CTBP2: variants seen among roughly 807,000 people sequenced by gnomAD.
CTBP2 encodes C-terminal-binding protein 2.
A neutral mutation model predicts 80.3 loss-of-function variants in CTBP2; 30 were observed. The ratio of observed to expected loss-of-function variants is 0.37; its 90% confidence interval spans 0.28 to 0.51. CTBP2 has a LOEUF of 0.51. Ranked by LOEUF, CTBP2 falls within the 20% of genes least tolerant of loss-of-function variation. The probability of loss-of-function intolerance (pLI) is 0.93; values close to 1 mark genes in which losing one functional copy is unlikely to be tolerated. For synonymous variants in CTBP2, 594 were observed against 587.4 expected (o/e 1.01, Z -0.16); for missense variants, 1,212 against 1,375.3 (o/e 0.88, Z 1.88).
rs33963277 is a variant in CTBP2, at chr10:125,139,374, CAAAAA to C, written c.-206+20940_-206+20944del. 1.9e-3 allele frequency among the ~76,000 whole-genome samples: 186 copies of C among 96,204 alleles called. 1 individual carries two copies. Among genetic ancestry groups the C allele is most frequent in the Admixed American group, 0.016 (139 of 8,962 alleles). 63.1% of individuals were successfully genotyped at this position (96,204 alleles called of 152,430 possible). On this transcript the variant is annotated intron_variant, in intron 1 of 10. Coordinates refer to the CTBP2 transcript ENST00000337195. ...CCTGGGTGACAGAGCTAGACTGTCT[CAAAAA>C]AAAAAAAAAAAAAAAAAGATGGTAG...
At chr10:125,128,845 G>A (rs937307526) in intron 1 of CTBP2, among the ~76,000 whole-genome samples, 12 of 152,342 alleles carry the variant, frequency 7.9e-5, no homozygotes, top group African/African-American at 2.9e-4. Context: ...AGACATGCAT[G>A]AGAATGGTTC....
intron 3 of CTBP2, among the ~76,000 whole-genome samples, chr10:125,038,133 G>A (rs1199827555): frequency 1.3e-5 from 2 of 152,160 alleles, no homozygotes; most frequent in Admixed American, 6.5e-5. Flanking sequence ...TCCCCACCCC[G>A]TGTGGCATGA....
At chr10:125,083,617 C>T (rs1847517231) in intron 2 of CTBP2, among the ~76,000 whole-genome samples, 1 of 151,984 alleles carries the variant, frequency 6.6e-6, no homozygotes, top group African/African-American at 2.4e-5. Context: ...AACAAGCACC[C>T]AGGATACACT....
chr10:125,019,352 C>T (rs1052122705), intron 1 of CTBP2, among the ~76,000 whole-genome samples: 11 of 152,066 alleles, frequency 7.2e-5, no homozygotes, highest in Admixed American at 1.3e-4. Context: ...ACCTCTCCCA[C>T]GTATGAGCAA....
intron 2 of CTBP2, among the ~76,000 whole-genome samples, chr10:125,044,792 T>C (rs1960812025): frequency 6.6e-6 from 1 of 152,046 alleles, no homozygotes; most frequent in Non-Finnish European, 1.5e-5. Context: ...CAAAGCCAGA[T>C]ATAACAAAAT....
rs556875040 is a variant in CTBP2, at chr10:125,120,534, GCAC to G, written c.-205-9444_-205-9442del. Reference sequence around the variant, plus strand: ...CCTGAGTAGCTGGGATTATAGGCATGCACCACCACGCCCAGCTAATTTTTCTAT... The same window carrying G: ...CCTGAGTAGCTGGGATTATAGGCATGCACCACGCCCAGCTAATTTTTCTAT... On this transcript the variant is annotated intron_variant, in intron 1 of 10. Coordinates refer to the CTBP2 transcript ENST00000337195. 3.3e-3 allele frequency among the ~76,000 whole-genome samples: 499 copies of G among 152,262 alleles called. 1 individual carries two copies. The highest frequency in any genetic ancestry group is 0.01 in the African/African-American group (430 of 41,536).
intron 2 of CTBP2, among the ~76,000 whole-genome samples, chr10:125,056,687 CAG>C (rs1423038330): frequency 1.3e-5 from 2 of 152,368 alleles, no homozygotes; most frequent in Middle Eastern, 3.4e-3. Context: ...AGAACGGCCA[CAG>C]AGTCAGGTCA....
chr10:125,029,743 G>A (rs552387813), upstream of CTBP2, among the ~76,000 whole-genome samples: 11 of 143,594 alleles, frequency 7.7e-5, no homozygotes, highest in Admixed American at 7.8e-4. Context: ...TTTTGTAGCA[G>A]GGTGAGGTAG....
At chr10:125,126,924 T>TTCTCTCTC (rs67378138) in intron 1 of CTBP2, among the ~76,000 whole-genome samples, 73 of 138,652 alleles carry the variant, frequency 5.3e-4, no homozygotes, top group Middle Eastern at 3.7e-3. Flanking sequence ...CACACACACA[T>TTCTCTCTC]TCTCTCTCTC....
chr10:125,053,366 C>G (rs1200563474), intron 2 of CTBP2, among the ~76,000 whole-genome samples: 1 of 152,236 alleles, frequency 6.6e-6, no homozygotes, highest in Non-Finnish European at 1.5e-5. Flanking sequence ...GCCCGCCGAA[C>G]AGAGAGCAAG....
intron 1 of CTBP2, among the ~76,000 whole-genome samples, chr10:125,157,258 C>T (rs914601316): frequency 6.6e-6 from 1 of 152,108 alleles, no homozygotes; most frequent in African/African-American, 2.4e-5. Context: ...CCCTGCCCCT[C>T]CCCGCAGGAG....
intron 1 of CTBP2, among the ~76,000 whole-genome samples, chr10:125,113,104 C>T (rs557574947): frequency 6.6e-6 from 1 of 152,304 alleles, no homozygotes; most frequent in East Asian, 1.9e-4. Flanking sequence ...CCCAACTGTA[C>T]ACCACACTGT....
chr10:125,070,555 T>TA (rs1388297685), intron 2 of CTBP2, among the ~76,000 whole-genome samples: 1 of 149,614 alleles, frequency 6.7e-6, no homozygotes, highest in African/African-American at 2.4e-5. Context: ...ACTCAATTTC[T>TA]AAAAAATGAT....
intron 3 of CTBP2, among the ~76,000 whole-genome samples, chr10:125,038,610 A>G (rs1168400465): frequency 6.6e-6 from 1 of 152,250 alleles, no homozygotes; most frequent in African/African-American, 2.4e-5. Flanking sequence ...ATCTCATAGT[A>G]TCAGGGAATT....
chr10:125,070,643 A>G (rs189526943), intron 2 of CTBP2, among the ~76,000 whole-genome samples: 8 of 151,674 alleles, frequency 5.3e-5, no homozygotes, highest in East Asian at 1.9e-4. Flanking sequence ...CTGTATTATC[A>G]TCACAATTTT....
At chr10:125,037,436 A>C (rs1237846132) in intron 3 of CTBP2, among the ~76,000 whole-genome samples, 7 of 152,334 alleles carry the variant, frequency 4.6e-5, no homozygotes, top group African/African-American at 1.7e-4. Context: ...GCAAGTACTC[A>C]GTAACCTCAA....
chr10:125,137,612 T>C (rs1857164609), intron 1 of CTBP2, among the ~76,000 whole-genome samples: 1 of 152,242 alleles, frequency 6.6e-6, no homozygotes, highest in Non-Finnish European at 1.5e-5. Flanking sequence ...TTACATTGGC[T>C]GTGTTTATAA....
chr10:124,991,250 ACCCCAC>A (rs982363297), intron 8 of CTBP2, among the ~76,000 whole-genome samples: 3 of 152,132 alleles, frequency 2.0e-5, no homozygotes, highest in African/African-American at 7.2e-5. Flanking sequence ...TATGGTAGCC[ACCCCAC>A]CCCCAGCTCC....
chr10:125,111,793 T>C (rs1852331731), intron 1 of CTBP2, among the ~76,000 whole-genome samples: 1 of 152,140 alleles, frequency 6.6e-6, no homozygotes, highest in Admixed American at 6.5e-5. Context: ...CACACAGCTG[T>C]GAGAGAAGAG....
Sources: allele counts gnomAD v4.1 joint callset (sites outside exome capture counted in the v4.1 genomes callset), GRCh38; gene constraint gnomAD v4.1.1; transcripts MANE v1.5; gene names NCBI Gene and HGNC (gene_info 2026-07-23, HGNC 2026-07-21).